Variants in MED15 observed in about 807,000 individuals in gnomAD.
MED15 encodes the protein mediator complex subunit 15.
MED15 carries 41 observed loss-of-function variants against 118.7 expected under a neutral mutation model. That is an observed-to-expected ratio of 0.35 (90% CI 0.27 to 0.45). The LOEUF (loss-of-function observed/expected upper bound fraction) is 0.45. MED15 is among the 20% of genes least tolerant of loss of function. MED15 has a pLI of 1.00. For missense variants in MED15, 740 were observed against 1,025.5 expected (o/e 0.72, Z 3.80); for synonymous variants, 436 against 413.9 (o/e 1.05, Z -0.65).
chr22:20,571,428 C>T lies in MED15; in HGVS notation c.1152+2797C>T, dbSNP rs547557324. Among the ~76,000 whole-genome samples the T allele has an allele frequency of 4.7e-4, 71 of 152,344 alleles. No homozygotes were observed. The South Asian group carries it at 0.014, about 31-fold the overall frequency. On this transcript the variant is annotated intron_variant, in intron 8 of 17. Coordinates refer to ENST00000263205, the MANE Select transcript of MED15 (RefSeq NM_001003891.3). Reference sequence around the variant, plus strand: ...TCATTGCCCACCTGCCCTGTGGCACCATGTGCTGCCATGCAGGGGATTCCC... The same window carrying T: ...TCATTGCCCACCTGCCCTGTGGCACTATGTGCTGCCATGCAGGGGATTCCC...
Position 20,553,391 on chromosome 22 carries a change from C to T in MED15, c.238+217C>T, listed in dbSNP as rs112937989. On this transcript the variant is annotated intron_variant, in intron 4 of 17. Transcript: ENST00000263205. ...TGAAGTCGCATGATCCTCCCCATCC[C>T]GTTTCACACAAATGCTGCCTTTGCC... Among the ~76,000 whole-genome samples, 29 of 152,308 alleles carry T rather than the reference C, an allele frequency of 1.9e-4. 1 individual carries two copies. Among genetic ancestry groups the T allele is most frequent in the African/African-American group, 7.0e-4 (29 of 41,562 alleles).
chr22:20,564,484 G>A lies in MED15; in HGVS notation c.486G>A (p.Gln162=). 1 of 1,612,530 alleles carries A rather than the reference G, an allele frequency of 6.2e-7. No individual in the cohort carries two copies. Among genetic ancestry groups the A allele is most frequent in the Non-Finnish European group, 8.5e-7 (1 of 1,179,164 alleles). The part of the protein sequence containing the change: ...QLQLQQVALQ[Q]QQQQQQFQQQ... ...AGCTCCAGCAGGTGGCGCTGCAGCA[G>A]CAGCAGCAACAGCAGCAGTTCCAGC... Residue 162 remains glutamine, a synonymous_variant, in exon 6 of 18, where the codon CAG becomes CAA. Transcript: ENST00000263205.
intron 8 of MED15, among the ~76,000 whole-genome samples, chr22:20,569,290 C>A (rs903038741): frequency 6.6e-6 from 1 of 152,188 alleles, no homozygotes; most frequent in Non-Finnish European, 1.5e-5. Flanking sequence ...CCCTCCTCTC[C>A]TTCTTGTGGG....
chr22:20,560,520 C>T (rs961156113), intron 5 of MED15, among the ~76,000 whole-genome samples: 8 of 152,172 alleles, frequency 5.3e-5, no homozygotes, highest in Admixed American at 4.6e-4. Context: ...TCCTTGGCCT[C>T]CCAAAGTGCT....
At chr22:20,519,548 G>A (rs780169925) in intron 1 of MED15, among the ~76,000 whole-genome samples, 17 of 151,452 alleles carry the variant, frequency 1.1e-4, no homozygotes, top group Non-Finnish European at 2.1e-4. Flanking sequence ...TCCGCCTTCC[G>A]AGTTCAAGTG....
At chr22:20,582,411 G>A (rs12170388) in intron 9 of MED15, 200 bp from the exon 10 acceptor site, 31 of 767,084 alleles carry the variant, frequency 4.0e-5, no homozygotes, top group South Asian at 9.8e-5. Context: ...GGCCCCCCCC[G>A]CCAGCCCCTT....
intron 9 of MED15, among the ~76,000 whole-genome samples, chr22:20,581,119 C>T (rs988950139): frequency 6.6e-6 from 1 of 152,170 alleles, no homozygotes; most frequent in African/African-American, 2.4e-5. Flanking sequence ...TGTGCCTTAG[C>T]CCCCCACCCC....
intron 9 of MED15, 151 bp from the exon 10 acceptor site, chr22:20,582,460 C>T (rs1302982482): frequency 4.0e-6 from 5 of 1,250,824 alleles, no homozygotes; most frequent in Admixed American, 2.1e-5. Flanking sequence ...GGGAGTGTGC[C>T]TGTGTGTATG....
intron 1 of MED15, among the ~76,000 whole-genome samples, chr22:20,520,669 C>CAA (rs1388412801): frequency 6.6e-6 from 1 of 152,228 alleles, no homozygotes; most frequent in Non-Finnish European, 1.5e-5. Context: ...CCAGCCAGGG[C>CAA]AAACTGTGCA....
At chr22:20,532,513 C>G (rs1555926581) in intron 1 of MED15, among the ~76,000 whole-genome samples, 2 of 152,200 alleles carry the variant, frequency 1.3e-5, no homozygotes, top group African/African-American at 2.4e-5. Context: ...TGAACCCTGA[C>G]TGAGTACACA....
intron 1 of MED15, among the ~76,000 whole-genome samples, chr22:20,533,435 AG>A (rs2054931856): frequency 6.6e-6 from 1 of 152,212 alleles, no homozygotes; most frequent in Admixed American, 6.5e-5. Context: ...TCAAAAATAC[AG>A]TTGTCAGAAC....
chr22:20,554,835 G>A, intron 4 of MED15, 101 bp from the exon 5 acceptor site: 3 of 1,175,304 alleles, frequency 2.6e-6, no homozygotes, highest in Non-Finnish European at 3.6e-6. Flanking sequence ...GATTGAGCCT[G>A]TAGGTAGGCG....
rs548895829 is a variant in MED15 at position 20,565,221 on chromosome 22, T to C, written c.690+533T>C. 5.9e-5 allele frequency among the ~76,000 whole-genome samples: 9 copies of C among 152,270 alleles called. No individual in the cohort carries two copies. In the East Asian group the frequency reaches 1.2e-3, roughly 20 times the overall value. On this transcript the variant is annotated intron_variant, in intron 6 of 17. Transcript: ENST00000263205. ...AGGTTCTGTGATCGAGCCCTTCCAT[T>C]TGGGCTTGGGCATCTGGCGGTGGGC...
At position 20,585,095 on chromosome 22, in the gene MED15, C is replaced by T. The variant is rs535052848; in HGVS notation, c.1965-6C>T. On this transcript the variant is annotated splice_region_variant and splice_polypyrimidine_tract_variant and intron_variant, in intron 15 of 17. Transcript: ENST00000263205. ...GCCAGGTGTGGTCACCATGCCGCCTCCCCAGGGCCCCAGTGGTGTGCACCC... is the reference window on the plus strand; with the variant it reads ...GCCAGGTGTGGTCACCATGCCGCCTTCCCAGGGCCCCAGTGGTGTGCACCC... 1.9e-6 allele frequency: 3 copies of T among 1,613,522 alleles called. No homozygotes were observed. In the African/African-American group the frequency reaches 4.0e-5, roughly 22 times the overall value.
In MED15 at chr22:20,586,980, C is replaced by T; in HGVS notation, c.*276C>T. The T allele has an allele frequency of 1.9e-6, 1 of 532,936 alleles. No homozygotes were observed. Among genetic ancestry groups the T allele is most frequent in the African/African-American group, 1.9e-5 (1 of 52,800 alleles). The allele number at this position is 532,936 out of a possible 1,614,324, so 33.0% of individuals were successfully genotyped here. A position where few individuals can be genotyped will look rare whatever the true frequency, so the allele number is the denominator to read the frequency against. On this transcript the variant is annotated 3_prime_UTR_variant, in exon 18 of 18. Transcript: ENST00000263205. ...GGAGCCAGATGCGATCCTCAGGCTG[C>T]TCTCACCGTGGCCTGTCCACGGTCC... is the stretch of plus-strand genomic sequence containing the variant.
chr22:20,575,088 G>C, intron 8 of MED15, 25 bp from the exon 9 acceptor site: 1 of 1,612,818 alleles, frequency 6.2e-7, no homozygotes, highest in African/African-American at 1.3e-5. Context: ...CGATCACCTT[G>C]TCTGTTGTCC....
chr22:20,574,900 C>A (rs2056776457), intron 8 of MED15: 1 of 660,432 alleles, frequency 1.5e-6, no homozygotes, highest in Non-Finnish European at 2.6e-6. Context: ...GCATTCTTGG[C>A]AAATCTTCTA....
chr22:20,564,529 ACAGCAGCAGCAGCAG>A lies in MED15; in HGVS notation c.540_554del (p.Gln184_Gln188del), dbSNP rs747865184. On this transcript the variant is annotated inframe_deletion, in exon 6 of 18. Transcript: ENST00000263205. ...TCCAGCAGCAGCAGCAGGCGGCGCT[ACAGCAGCAGCAGCAG>A]CAGCAGCAACAGCAGCAGTTCCAGG... The A allele has an allele frequency of 6.3e-7, 1 of 1,592,890 alleles. No homozygotes were observed. The highest frequency in any genetic ancestry group is 8.6e-7 in the Non-Finnish European group (1 of 1,162,996).
At chr22:20,509,781 T>C (rs2146325288) in intron 1 of MED15, among the ~76,000 whole-genome samples, 1 of 152,128 alleles carries the variant, frequency 6.6e-6, no homozygotes, top group Admixed American at 6.5e-5. Flanking sequence ...TATCTGTAGG[T>C]GAAAACTTGA....
Sources: allele counts gnomAD v4.1 joint callset (sites outside exome capture counted in the v4.1 genomes callset), GRCh38; gene constraint gnomAD v4.1.1; transcripts MANE v1.5; gene names NCBI Gene and HGNC (gene_info 2026-07-23, HGNC 2026-07-21).